The following IFI44 variants were observed in gnomAD, a reference collection of about 807,000 sequenced individuals.
The protein encoded by IFI44 is interferon-induced protein 44.
In IFI44, 42 loss-of-function variants were observed where a neutral mutation model predicts 45.0. The ratio of observed to expected loss-of-function variants is 0.93; its 90% confidence interval spans 0.73 to 1.21. IFI44 has a LOEUF of 1.21. Ranked by LOEUF, IFI44 falls within the 50% of genes most tolerant of loss-of-function variation. The pLI is 0.00. For synonymous variants in IFI44, 221 were observed against 188.6 expected, an observed-to-expected ratio of 1.17 and a Z score of -1.41; for missense variants, 623 against 525.8, an observed-to-expected ratio of 1.18 and a Z score of -1.81.
chr1:78,658,668 C>T (rs1057094604), intron 5 of IFI44, among the ~76,000 whole-genome samples: 3 of 152,048 alleles, frequency 2.0e-5, no homozygotes, highest in African/African-American at 7.2e-5. Context: ...CCATTAGTAA[C>T]CATATAAAAT....
intron 6 of IFI44, 90 bp from the exon 7 acceptor site, chr1:78,660,464 C>A: frequency 1.1e-6 from 1 of 943,278 alleles, no homozygotes; most frequent in Non-Finnish European, 1.6e-6. Flanking sequence ...TGAAATTGTT[C>A]CATAGGTTGC....
At chr1:78,655,241 T>C (rs368304230) in intron 4 of IFI44, 32 bp downstream of exon 4, 231 of 1,594,812 alleles carry the variant, frequency 1.4e-4, no homozygotes, top group Admixed American at 5.3e-5. Context: ...TAGCCTTTGC[T>C]TCTCTGTTCA....
chr1:78,659,188 C>A, intron 5 of IFI44, 124 bp from the exon 6 acceptor site: 1 of 721,590 alleles, frequency 1.4e-6, no homozygotes, highest in Non-Finnish European at 2.3e-6. Flanking sequence ...AGATTGTTAG[C>A]CTCATACTAT....
chr1:78,654,951 A>G, intron 3 of IFI44, 63 bp from the exon 4 acceptor site: 1 of 1,228,714 alleles, frequency 8.1e-7, no homozygotes. Flanking sequence ...TTCTCAGAAA[A>G]TTTATAATAA....
chr1:78,659,252 C>A, intron 5 of IFI44, 60 bp from the exon 6 acceptor site: 2 of 1,368,204 alleles, frequency 1.5e-6, no homozygotes, highest in Non-Finnish European at 1.0e-6. Flanking sequence ...GTGCCTGGTA[C>A]ATAGTTTGTG....
intron 8 of IFI44, chr1:78,663,261 T>G: frequency 1.0e-6 from 1 of 985,272 alleles, no homozygotes; most frequent in Non-Finnish European, 1.2e-6. Flanking sequence ...GACCTTTGAT[T>G]ATTTGCCCCT....
At chr1:78,658,903 T>C (rs1056807326) in intron 5 of IFI44, among the ~76,000 whole-genome samples, 2 of 152,096 alleles carry the variant, frequency 1.3e-5, no homozygotes, top group African/African-American at 4.8e-5. Context: ...AACAGAGAAG[T>C]GCTAGATGAA....
chr1:78,659,212 G>A, intron 5 of IFI44, 100 bp from the exon 6 acceptor site: 1 of 963,104 alleles, frequency 1.0e-6, no homozygotes, highest in Non-Finnish European at 1.6e-6. Flanking sequence ...AGACTTTTCT[G>A]TTTTGTTTAC....
At position 78,650,555 on chromosome 1, in the gene IFI44, T is replaced by C. The variant is rs765670217; in HGVS notation, c.360T>C (p.Asn120=). ...SPTNFQIDGR[N]RKVIMDLKTM... ...CTAATTTCCAGATAGATGGAAGAAA[T>C]AGAAAAGTGATTATGGACTTAAAGA... is the stretch of plus-strand genomic sequence containing the variant. The change falls in exon 2 of 9, where the codon AAT becomes AAC. Residue 120 remains asparagine, a synonymous_variant. Coordinates refer to ENST00000370747, the MANE Select transcript of IFI44 (RefSeq NM_006417.5). 1 of 1,613,502 alleles carries C rather than the reference T, an allele frequency of 6.2e-7. No individual in the cohort carries two copies. Among genetic ancestry groups the C allele is most frequent in the Non-Finnish European group, 8.5e-7 (1 of 1,179,514 alleles).
chr1:78,651,677 C>T lies in IFI44; in HGVS notation c.457+1025C>T, dbSNP rs529009860. On this transcript the variant is annotated intron_variant, in intron 2 of 8. Coordinates refer to ENST00000370747, the MANE Select transcript of IFI44 (RefSeq NM_006417.5). Reference sequence around the variant, plus strand: ...TCTTGCATAAGTAAAACTTTATGCCCTTTGACAAATGTATCCTCCTTTCCT... The same window carrying T: ...TCTTGCATAAGTAAAACTTTATGCCTTTTGACAAATGTATCCTCCTTTCCT... Among the ~76,000 whole-genome samples the T allele has an allele frequency of 4.9e-3, 744 of 152,236 alleles. 6 individuals carry two copies. The highest frequency in any genetic ancestry group is 0.017 in the African/African-American group (717 of 41,550).
chr1:78,660,639 G>A lies in IFI44; in HGVS notation c.1098G>A (p.Glu366=), dbSNP rs35851276. The change falls in exon 7 of 9, where the codon GAG becomes GAA. Residue 366 remains glutamate, a synonymous_variant. Transcript: ENST00000370747. The stretch of plus-strand genomic sequence containing the variant: ...ACCTTATAGAAATAGAGAGATGTGA[G>A]CCTGTGAGGTCCAAGGTAATGAATG... ...KGDLIEIERC[E]PVRSKLEEVQ... 1.8e-3 allele frequency: 2,914 copies of A among 1,610,822 alleles called. 50 individuals are homozygous for A. The African/African-American group carries it at 0.035, about 19-fold the overall frequency.
chr1:78,659,008 G>A (rs1055823504), intron 5 of IFI44, among the ~76,000 whole-genome samples: 1 of 151,806 alleles, frequency 6.6e-6, no homozygotes, highest in African/African-American at 2.4e-5. Flanking sequence ...CCATCTGTGG[G>A]CAGATTGCCT....
At chr1:78,651,140 A>G (rs754146668) in intron 2 of IFI44, among the ~76,000 whole-genome samples, 4 of 152,162 alleles carry the variant, frequency 2.6e-5, no homozygotes, top group Non-Finnish European at 4.4e-5. Context: ...CAATTTTTCC[A>G]CAGACTGGTG....
At position 78,650,212 on chromosome 1, in the gene IFI44, G is replaced by A. The variant is rs148272007; in HGVS notation, c.17G>A (p.Arg6His). ...TCAAGAAGTATGGCAGTGACAACTC[G>A]TTTGACATGGTTGCACGAAAAGATC... MAVTT[R>H]LTWLHEKILQ... is the part of the protein sequence containing the mutation. The change falls in exon 2 of 9, where the codon CGT becomes CAT. Residue 6 changes from arginine (R) to histidine (H), a missense_variant. By Grantham distance (29) the Arg-to-His change is conservative. Coordinates refer to ENST00000370747, the MANE Select transcript of IFI44 (RefSeq NM_006417.5). 276 of 1,602,930 alleles carry A rather than the reference G, an allele frequency of 1.7e-4. No individual in the cohort carries two copies. Among genetic ancestry groups the A allele is most frequent in the Non-Finnish European group, 2.2e-4 (255 of 1,170,966 alleles).
intron 6 of IFI44, among the ~76,000 whole-genome samples, chr1:78,660,351 A>C (rs1402682592): frequency 6.6e-6 from 1 of 152,122 alleles, no homozygotes; most frequent in Admixed American, 6.5e-5. Flanking sequence ...AAATCAATGA[A>C]GGTGACTCCC....
intron 8 of IFI44, 124 bp downstream of exon 8, chr1:78,663,002 G>A (rs1477333357): frequency 1.9e-6 from 3 of 1,560,192 alleles, no homozygotes; most frequent in African/African-American, 2.8e-5. Flanking sequence ...GATTAGTTCT[G>A]CTTTTTAACC....
intron 2 of IFI44, among the ~76,000 whole-genome samples, chr1:78,652,980 T>C (rs1038384996): frequency 1.3e-5 from 2 of 152,160 alleles, no homozygotes; most frequent in African/African-American, 4.8e-5. Flanking sequence ...CATTTTGTTT[T>C]ATTTTTAGAT....
At position 78,655,133 on chromosome 1, in the gene IFI44, C is replaced by T; in HGVS notation, c.614C>T (p.Ser205Leu). Reference protein sequence around the residue: ...IGAGKSSFFNSVRSVFQGHVT... With the variant: ...IGAGKSSFFNLVRSVFQGHVT... ...GCTGGGAAGTCCAGCTTTTTCAACT[C>T]AGTGAGGTCTGTTTTCCAAGGGCAT... Residue 205 changes from serine (S) to leucine (L), a missense_variant, in exon 4 of 9, where the codon TCA becomes TTA. Physicochemically the swap from Ser to Leu is moderately radical, Grantham distance 145 (BLOSUM62 -2). Coordinates refer to ENST00000370747, the MANE Select transcript of IFI44 (RefSeq NM_006417.5). 5.0e-6 allele frequency: 8 copies of T among 1,613,926 alleles called. No homozygotes were observed. The highest frequency in any genetic ancestry group is 6.8e-6 in the Non-Finnish European group (8 of 1,179,888).
In IFI44 at chr1:78,650,234, G is replaced by T. The variant is rs746282455; in HGVS notation, c.39G>T (p.Lys13Asn). 2 of 1,608,092 alleles carry T rather than the reference G, an allele frequency of 1.2e-6. No homozygotes were observed. The highest frequency in any genetic ancestry group is 3.3e-5 in the Admixed American group (2 of 59,936). ...VTTRLTWLHEKILQNHFGGKR... is the reference protein window; with the variant it reads ...VTTRLTWLHENILQNHFGGKR... ...CTCGTTTGACATGGTTGCACGAAAA[G>T]ATCCTGCAAAATCATTTTGGAGGGA... is the stretch of plus-strand genomic sequence containing the variant. The change falls in exon 2 of 9, where the codon AAG becomes AAT. Residue 13 changes from lysine (K) to asparagine (N), a missense_variant. Transcript: ENST00000370747.
Sources: gnomAD v4.1 joint callset for allele counts (sites outside exome capture counted in the v4.1 genomes callset) on GRCh38, gnomAD v4.1.1 for gene constraint, MANE v1.5 for transcripts, NCBI Gene and HGNC (gene_info 2026-07-23, HGNC 2026-07-21) for gene names.